TAP2: variants seen among roughly 807,000 people sequenced by gnomAD.
TAP2 encodes the protein antigen peptide transporter 2.
Under a neutral mutation model 74.7 loss-of-function variants are expected in TAP2, and 49 were observed. The ratio of observed to expected loss-of-function variants is 0.66; its 90% CI spans 0.52 to 0.83. TAP2 has a LOEUF of 0.83. TAP2 is among the 40% of genes least tolerant of loss of function. TAP2 has a pLI of 0.00. For missense variants in TAP2, 739 were observed against 859.0 expected (o/e 0.86, Z 1.75); for synonymous variants, 306 against 368.4 (o/e 0.83, Z 1.94).
chr6:32,831,310 A>G (rs927419537), intron 7 of TAP2, among the ~76,000 whole-genome samples: 6 of 152,164 alleles, frequency 3.9e-5, no homozygotes, highest in Non-Finnish European at 8.8e-5. Flanking sequence ...TTCCTCATCA[A>G]ACTGTACCAC....
chr6:32,830,826 G>A lies in TAP2; in HGVS notation c.1273-20C>T. 1.3e-6 allele frequency: 2 copies of A among 1,595,474 alleles called. No individual in the cohort carries two copies. Among genetic ancestry groups the A allele is most frequent in the East Asian group, 2.3e-5 (1 of 44,292 alleles). ...CAGGGTCTGGAAAACAGGAATGGGAGAGCCGGCTAATTAAACACACTTCTA... is the reference window on the plus strand; with the variant it reads ...CAGGGTCTGGAAAACAGGAATGGGAAAGCCGGCTAATTAAACACACTTCTA... On this transcript the variant is annotated intron_variant, in intron 7 of 11. Coordinates refer to ENST00000374897, the MANE Select transcript of TAP2 (RefSeq NM_001290043.2).
Position 32,835,174 on chromosome 6 carries a change from C to A in TAP2, c.925G>T (p.Val309Leu). ...HMPFTIAAEK[V>L]YNTRHQEVLR... ...CTCACCTGATGGCGGGTGTTGTACA[C>A]CTTCTCCGCTGCTATTGTGAAGGGC... The change falls in exon 5 of 12, where the codon GTG (valine) becomes TTG (leucine). Residue 309 changes from valine to leucine, a missense_variant. Coordinates refer to ENST00000374897, the MANE Select transcript of TAP2 (RefSeq NM_001290043.2). This position sits in a 1 kb window ranked among gnomAD's most constrained non-coding sequence, Gnocchi z 4.0. The A allele has an allele frequency of 5.6e-6, 9 of 1,612,830 alleles. No individual in the cohort carries two copies. The highest frequency in any genetic ancestry group is 7.6e-6 in the Non-Finnish European group (9 of 1,180,022).
intron 5 of TAP2, among the ~76,000 whole-genome samples, chr6:32,833,661 G>A (rs1769233679): frequency 6.6e-6 from 1 of 152,168 alleles, no homozygotes; most frequent in Admixed American, 6.5e-5. Context: ...AGGATGTGGA[G>A]AAATTGGAAA....
intron 8 of TAP2, 45 bp downstream of exon 8, chr6:32,830,573 A>C (rs9380327): frequency 0.12 from 193,561 of 1,611,196 alleles, 12,396 homozygotes; most frequent in Non-Finnish European, 0.13. Context: ...ATTATGCATT[A>C]GCAGCAGAGA....
chr6:32,822,889 G>C (rs1407772507), downstream of TAP2, among the ~76,000 whole-genome samples: 1 of 143,904 alleles, frequency 6.9e-6, no homozygotes, highest in Admixed American at 6.9e-5. Flanking sequence ...TTTATTGATA[G>C]TAATATCTTC....
downstream of TAP2, chr6:32,822,354 A>G: frequency 7.4e-7 from 1 of 1,353,024 alleles, no homozygotes; most frequent in Non-Finnish European, 1.0e-6. Context: ...CCTTGATCTT[A>G]ATGGGTGTTT....
downstream of TAP2, chr6:32,822,224 G>T: frequency 7.8e-7 from 1 of 1,282,418 alleles, no homozygotes; most frequent in Non-Finnish European, 1.1e-6. Flanking sequence ...ATAAATGTTG[G>T]TGATGCTTTG....
At chr6:32,822,917 CTT>C (rs3041453), downstream of TAP2, among the ~76,000 whole-genome samples, 20,032 of 109,212 alleles carry the variant, frequency 0.18, 1,152 homozygotes, top group Admixed American at 0.25. Flanking sequence ...TGTGTTCATA[CTT>C]TTTTTTTTTT....
Position 32,837,546 on chromosome 6 carries a change from G to T in TAP2, c.599C>A (p.Ser200Tyr). The change falls in exon 3 of 12, where the codon TCC (serine) becomes TAC (tyrosine). Residue 200 changes from serine (S) to tyrosine (Y), a missense_variant. Physicochemically the swap from Ser to Tyr is moderately radical, Grantham distance 144. Transcript: ENST00000374897. ...ASAIFFMCLF[S>Y]FGSSLSAGCR... Reference sequence around the variant, plus strand: ...GCTGCCCACCACCTACCTGCCAAAGGAGAAGAGGCACATGAAGAAGATGGC... The same window carrying T: ...GCTGCCCACCACCTACCTGCCAAAGTAGAAGAGGCACATGAAGAAGATGGC... 6.2e-7 allele frequency: 1 copy of T among 1,613,924 alleles called. No individual in the cohort carries two copies. The highest frequency in any genetic ancestry group is 1.1e-5 in the South Asian group (1 of 91,058).
chr6:32,835,875 G>A lies in TAP2; in HGVS notation c.609-102C>T. ...AGGAGTGCAGAGAAGCGCAAAGTCA[G>A]GGGAAAGCATGCCAGGAGGGGCAAA... On this transcript the variant is annotated intron_variant, in intron 3 of 11. Transcript: ENST00000374897. This position sits in a 1 kb window ranked among gnomAD's most constrained non-coding sequence, Gnocchi z 4.0. 6.6e-7 allele frequency: 1 copy of A among 1,510,126 alleles called. No homozygotes were observed. The highest frequency in any genetic ancestry group is 1.1e-5 in the South Asian group (1 of 88,500). 93.5% of individuals were successfully genotyped at this position (1,510,126 alleles called of 1,614,324 possible). A position where few individuals can be genotyped will look rare whatever the true frequency, so the allele number is the denominator to read the frequency against.
chr6:32,832,799 G>A lies in TAP2; in HGVS notation c.971C>T (p.Ala324Val). ...HQEVLREIQD[A>V]VARAGQVVRE... ...CACCACCTGCCCCGCCCTGGCCACT[G>A]CATCCTGGATCTCCCGAAGCACTTC... Residue 324 changes from alanine (A) to valine (V), a missense_variant, in exon 6 of 12, where the codon GCA (alanine) becomes GTA (valine). Transcript: ENST00000374897. This position sits in a 1 kb window ranked among gnomAD's most constrained non-coding sequence, Gnocchi z 5.9. 1.9e-6 allele frequency: 3 copies of A among 1,612,750 alleles called. No individual in the cohort carries two copies. Among genetic ancestry groups the A allele is most frequent in the Non-Finnish European group, 1.7e-6 (2 of 1,180,040 alleles).
chr6:32,830,225 T>G (rs763134607), intron 9 of TAP2, 42 bp downstream of exon 9: 3 of 1,612,886 alleles, frequency 1.9e-6, no homozygotes, highest in Non-Finnish European at 2.5e-6. Flanking sequence ...TCTCTGTACA[T>G]GCTCCCCTCT....
At chr6:32,837,458 C>T in intron 3 of TAP2, 79 bp downstream of exon 3, 2 of 1,207,272 alleles carry the variant, frequency 1.7e-6, no homozygotes, top group Non-Finnish European at 1.2e-6. Context: ...CCTGAAAGGG[C>T]CTAGAAATGG....
rs763918900 is a variant in TAP2 at position 32,830,062 on chromosome 6, G to A, written c.1663C>T (p.Leu555=). The A allele has an allele frequency of 5.6e-6, 9 of 1,613,072 alleles. 2 individuals carry two copies. The South Asian group carries it at 7.7e-5, about 14-fold the overall frequency. The part of the protein sequence containing the change: ...QVVSVGQEPV[L]FSGSVRNNIA... ...TTGTTCCTCACAGAACCGGAGAACAGCACAGGCTCCTGCCCAACTGAAACC... is the reference window on the plus strand; with the variant it reads ...TTGTTCCTCACAGAACCGGAGAACAACACAGGCTCCTGCCCAACTGAAACC... The change falls in exon 10 of 12, where the codon CTG becomes TTG. Residue 555 remains leucine, a synonymous_variant. Transcript: ENST00000374897.
chr6:32,826,879 G>A lies in TAP2; in HGVS notation c.*2027C>T. On this transcript the variant is annotated 3_prime_UTR_variant, in exon 12 of 12. Transcript: ENST00000374897. ...CTGTGAGGGCTGCAGCTTCCATGTA[G>A]TTGGGAGATACAGGAATTATTATTC... 1.0e-6 allele frequency: 1 copy of A among 985,422 alleles called. No individual in the cohort carries two copies. The highest frequency in any genetic ancestry group is 1.2e-6 in the Non-Finnish European group (1 of 829,926). 61.0% of individuals were successfully genotyped at this position (985,422 alleles called of 1,614,324 possible).
Position 32,832,581 on chromosome 6 carries a change from C to T in TAP2, c.1143+46G>A. ...CAGCTGTAGTTTCCTCTTCCCTTGCCCTCCCCCTTTCCTGGGCTCCTTTCA... is the reference window on the plus strand; with the variant it reads ...CAGCTGTAGTTTCCTCTTCCCTTGCTCTCCCCCTTTCCTGGGCTCCTTTCA... On this transcript the variant is annotated intron_variant, in intron 6 of 11. Coordinates refer to ENST00000374897, the MANE Select transcript of TAP2 (RefSeq NM_001290043.2). The surrounding 1 kb of genome is among the most constrained non-coding windows in gnomAD (Gnocchi z 5.9). The T allele has an allele frequency of 6.2e-7, 1 of 1,612,908 alleles. No homozygotes were observed.
At chr6:32,823,459 G>A (rs1768438579), downstream of TAP2, among the ~76,000 whole-genome samples, 1 of 126,708 alleles carries the variant, frequency 7.9e-6, no homozygotes, top group South Asian at 2.5e-4. Flanking sequence ...TTTTTGGTGA[G>A]GAGTGTCTGA....
At position 32,827,943 on chromosome 6, in the gene TAP2, G is replaced by T. The variant is rs1028902408; in HGVS notation, c.*963C>A. 2 of 984,526 alleles carry T rather than the reference G, an allele frequency of 2.0e-6. No individual in the cohort carries two copies. The highest frequency in any genetic ancestry group is 3.5e-5 in the African/African-American group (2 of 57,364). The allele number at this position is 984,526 out of a possible 1,614,324, so 61.0% of individuals were successfully genotyped here. A position where few individuals can be genotyped will look rare whatever the true frequency, so the allele number is the denominator to read the frequency against. ...ACTATAACAACGGGACTGGAGAGAAGAGAATAGATTCTGAATTATTTAGAG... is the reference window on the plus strand; with the variant it reads ...ACTATAACAACGGGACTGGAGAGAATAGAATAGATTCTGAATTATTTAGAG... On this transcript the variant is annotated 3_prime_UTR_variant, in exon 12 of 12. Coordinates refer to ENST00000374897, the MANE Select transcript of TAP2 (RefSeq NM_001290043.2).
At chr6:32,822,000 ATAGT>A, downstream of TAP2, 1 of 394,518 alleles carries the variant, frequency 2.5e-6, no homozygotes, top group Non-Finnish European at 4.6e-6. Context: ...AACAAAAGAA[ATAGT>A]TAGAATTTGG....
Sources: allele counts gnomAD v4.1 joint callset (sites outside exome capture counted in the v4.1 genomes callset), GRCh38; gene constraint gnomAD v4.1.1; non-coding constraint Gnocchi (gnomAD v3.1); transcripts MANE v1.5; gene names NCBI Gene and HGNC (gene_info 2026-07-23, HGNC 2026-07-21).